Variants in EIF4E1B observed in about 807,000 individuals in gnomAD.
EIF4E1B encodes eukaryotic translation initiation factor 4E type 1B.
A neutral mutation model predicts 31.3 loss-of-function variants in EIF4E1B; 22 were observed. The observed-to-expected ratio is 0.70, with a 90% CI of 0.50 to 1.00. EIF4E1B has a LOEUF of 1.00. Among genes scored for constraint, EIF4E1B ranks in the 50% least tolerant of loss-of-function variants. The pLI is 0.00. For missense variants in EIF4E1B, 290 were observed against 311.6 expected (o/e 0.93, Z 0.52); for synonymous variants, 126 against 120.2 (o/e 1.05, Z -0.31).
intron 2 of EIF4E1B, 51 bp from the exon 3 acceptor site, chr5:176,642,659 A>C (rs1760598295): frequency 6.9e-7 from 1 of 1,439,582 alleles, no homozygotes; most frequent in East Asian, 2.5e-5. Flanking sequence ...CACGGGATGC[A>C]GACCTTGCTT....
Position 176,646,151 on chromosome 5 carries a change from A to G in EIF4E1B, c.*171A>G, listed in dbSNP as rs983711462. On this transcript the variant is annotated 3_prime_UTR_variant, in exon 9 of 9. Coordinates refer to ENST00000318682, the MANE Select transcript of EIF4E1B (RefSeq NM_001099408.2). ...TTGGGGCCTGAGCCTTAGGGGCTAGATGGGGGTAGTGGTGGCAGTCTGAGG... is the reference window on the plus strand; with the variant it reads ...TTGGGGCCTGAGCCTTAGGGGCTAGGTGGGGGTAGTGGTGGCAGTCTGAGG... The G allele has an allele frequency of 2.8e-5, 15 of 541,214 alleles. No individual in the cohort carries two copies. The highest frequency in any genetic ancestry group is 4.7e-5 in the Non-Finnish European group (14 of 299,470). 33.5% of individuals were successfully genotyped at this position (541,214 alleles called of 1,614,324 possible). A position where few individuals can be genotyped will look rare whatever the true frequency, so the allele number is the denominator to read the frequency against.
At chr5:176,637,189 A>G (rs959526925) in intron 1 of EIF4E1B, among the ~76,000 whole-genome samples, 1 of 152,234 alleles carries the variant, frequency 6.6e-6, no homozygotes, top group Non-Finnish European at 1.5e-5. Context: ...CTGTAAGCCC[A>G]GCACTTTGGG....
chr5:176,643,133 G>C lies in EIF4E1B; in HGVS notation c.67G>C (p.Glu23Gln). The C allele has an allele frequency of 6.2e-7, 1 of 1,613,934 alleles. No homozygotes were observed. Among genetic ancestry groups the C allele is most frequent in the Non-Finnish European group, 8.5e-7 (1 of 1,179,870 alleles). Reference protein sequence around the residue: ...IREWEEEEKEEEAAERTPTGE... With the variant: ...IREWEEEEKEQEAAERTPTGE... ...AGAGTGGGAGGAGGAGGAGAAGGAGGAGGAGGCAGCAGAGAGGACGCCCAC... is the reference window on the plus strand; with the variant it reads ...AGAGTGGGAGGAGGAGGAGAAGGAGCAGGAGGCAGCAGAGAGGACGCCCAC... The change falls in exon 4 of 9, where the codon GAG (glutamate) becomes CAG (glutamine). Residue 23 changes from glutamate to glutamine, a missense_variant. Physicochemically the swap from Glu to Gln is conservative, Grantham distance 29. Coordinates refer to ENST00000318682, the MANE Select transcript of EIF4E1B (RefSeq NM_001099408.2).
Position 176,642,862 on chromosome 5 carries a change from C to CGT in EIF4E1B, c.15+60_15+61insGT, listed in dbSNP as rs5873545. The CGT allele has an allele frequency of 1.5e-5, 19 of 1,287,072 alleles. 2 individuals are homozygous for CGT. Among genetic ancestry groups the CGT allele is most frequent in the Admixed American group, 2.7e-5 (1 of 37,362 alleles). 79.7% of individuals were successfully genotyped at this position (1,287,072 alleles called of 1,614,324 possible). On this transcript the variant is annotated intron_variant, in intron 3 of 8. Coordinates refer to ENST00000318682, the MANE Select transcript of EIF4E1B (RefSeq NM_001099408.2). ...ATGGCCCCGCCCTCTCCCCCCCCCC[C>CGT]CCCGCCCCAGGTGGGCGGGGCAGGT...
At position 176,630,691 on chromosome 5, in the gene EIF4E1B, T is replaced by C. The variant is rs1463142898; in HGVS notation, c.-575T>C. 6.6e-6 allele frequency: 1 copy of C among 151,980 alleles called. No individual in the cohort carries two copies. Among genetic ancestry groups the C allele is most frequent in the Non-Finnish European group, 1.5e-5 (1 of 67,984 alleles). 9.4% of individuals were successfully genotyped at this position (151,980 alleles called of 1,614,324 possible). A position where few individuals can be genotyped will look rare whatever the true frequency, so the allele number is the denominator to read the frequency against. ...AAGACTCGCGTAGTCTGTTGGGAGT[T>C]GAGGGAGGGGGACAACGCGGCGTGT... On this transcript the variant is annotated 5_prime_UTR_variant, in exon 1 of 9. Coordinates refer to ENST00000318682, the MANE Select transcript of EIF4E1B (RefSeq NM_001099408.2).
Position 176,642,355 on chromosome 5 carries a change from G to A in EIF4E1B, c.-79+190G>A, listed in dbSNP as rs183026984. Among the ~76,000 whole-genome samples the A allele has an allele frequency of 2.3e-3, 352 of 152,360 alleles. 1 individual carries two copies. The highest frequency in any genetic ancestry group is 7.7e-3 in the South Asian group (37 of 4,826). ...GATTAAACTTTTAAAAAACTCAGAT[G>A]CCACTGGGTATGGTGGCTCATGCCA... On this transcript the variant is annotated intron_variant, in intron 2 of 8. Coordinates refer to ENST00000318682, the MANE Select transcript of EIF4E1B (RefSeq NM_001099408.2).
At chr5:176,634,390 C>T (rs569297104) in intron 1 of EIF4E1B, among the ~76,000 whole-genome samples, 25 of 152,178 alleles carry the variant, frequency 1.6e-4, no homozygotes, top group Admixed American at 7.9e-4. Context: ...TTGCCAATGT[C>T]CTTGGGGTAA....
intron 1 of EIF4E1B, among the ~76,000 whole-genome samples, chr5:176,637,790 G>C (rs891350266): frequency 9.2e-5 from 14 of 152,206 alleles, no homozygotes; most frequent in Admixed American, 7.2e-4. Flanking sequence ...GTGAGCAGAG[G>C]AGGGAGTGAT....
Position 176,643,229 on chromosome 5 carries a change from A to C in EIF4E1B, c.163A>C (p.Met55Leu), listed in dbSNP as rs772701144. 1 of 1,612,782 alleles carries C rather than the reference A, an allele frequency of 6.2e-7. No homozygotes were observed. Among genetic ancestry groups the C allele is most frequent in the Non-Finnish European group, 8.5e-7 (1 of 1,179,830 alleles). Residue 55 changes from methionine to leucine, a missense_variant, in exon 4 of 9, where the codon ATG (methionine) becomes CTG (leucine). Coordinates refer to ENST00000318682, the MANE Select transcript of EIF4E1B (RefSeq NM_001099408.2). ...AGGGAAGGCCCGGACGGGGGGCCCC[A>C]TGGAAGTCAAGCTGGAGCTGCACCC... ...LRGKARTGGP[M>L]EVKLELHPLQ...
intron 1 of EIF4E1B, among the ~76,000 whole-genome samples, chr5:176,640,575 C>T (rs569719725): frequency 2.6e-4 from 39 of 152,150 alleles, no homozygotes; most frequent in Admixed American, 1.1e-3. Flanking sequence ...TCTGCCGCCC[C>T]CTCTGTCACC....
Position 176,645,998 on chromosome 5 carries a change from C to T in EIF4E1B, c.*18C>T. ...TGGTGTGAGGGGGGCCTTGGCACCCCTCCTATGTAATGGGACAGCCGCCAC... is the reference window on the plus strand; with the variant it reads ...TGGTGTGAGGGGGGCCTTGGCACCCTTCCTATGTAATGGGACAGCCGCCAC... On this transcript the variant is annotated 3_prime_UTR_variant, in exon 9 of 9. Coordinates refer to ENST00000318682, the MANE Select transcript of EIF4E1B (RefSeq NM_001099408.2). The surrounding 1 kb of genome is among the most constrained non-coding windows in gnomAD (Gnocchi z 5.4). 6.3e-7 allele frequency: 1 copy of T among 1,576,656 alleles called. No individual in the cohort carries two copies.
intron 1 of EIF4E1B, among the ~76,000 whole-genome samples, chr5:176,639,672 T>C (rs1203852253): frequency 1.3e-5 from 2 of 152,064 alleles, no homozygotes; most frequent in East Asian, 1.9e-4. Context: ...ATCCCAACAC[T>C]TTGGGAAGCA....
At chr5:176,643,353 C>G in intron 4 of EIF4E1B, 87 bp downstream of exon 4, 4 of 1,464,156 alleles carry the variant, frequency 2.7e-6, no homozygotes, top group Non-Finnish European at 3.7e-6. Flanking sequence ...AACCCCGCCT[C>G]TCTTGGCCCT....
Position 176,645,487 on chromosome 5 carries a change from G to A in EIF4E1B, c.585G>A (p.Ala195=), listed in dbSNP as rs551855376. Reference sequence around the variant, plus strand: ...AGATCGCTGTGTGGACGAGGGAGGCGGAAAACCAGGCGGGCGTGCTGCACG... The same window carrying A: ...AGATCGCTGTGTGGACGAGGGAGGCAGAAAACCAGGCGGGCGTGCTGCACG... The part of the protein sequence containing the change: ...GDKIAVWTRE[A]ENQAGVLHVG... Residue 195 remains alanine, a synonymous_variant, in exon 8 of 9, where the codon GCG becomes GCA. Coordinates refer to ENST00000318682, the MANE Select transcript of EIF4E1B (RefSeq NM_001099408.2). This position sits in a 1 kb window ranked among gnomAD's most constrained non-coding sequence, Gnocchi z 5.4. 1.3e-5 allele frequency: 19 copies of A among 1,516,946 alleles called. No individual in the cohort carries two copies. Among genetic ancestry groups the A allele is most frequent in the East Asian group, 2.3e-5 (1 of 43,444 alleles). 94.0% of individuals were successfully genotyped at this position (1,516,946 alleles called of 1,614,324 possible).
chr5:176,643,579 G>A lies in EIF4E1B; in HGVS notation c.201-60G>A. On this transcript the variant is annotated intron_variant, in intron 4 of 8. Transcript: ENST00000318682. The stretch of plus-strand genomic sequence containing the variant: ...GAGGGTCCTCCCTGTCAGTCCAGGT[G>A]CCCCGGGGGTGGACTTGGCTCTCTG... 5 of 1,506,878 alleles carry A rather than the reference G, an allele frequency of 3.3e-6. No individual in the cohort carries two copies. The South Asian group carries it at 4.8e-5, about 15-fold the overall frequency. 93.3% of individuals were successfully genotyped at this position (1,506,878 alleles called of 1,614,324 possible).
chr5:176,645,107 T>C lies in EIF4E1B; in HGVS notation c.361-23T>C. 7.1e-6 allele frequency: 11 copies of C among 1,542,440 alleles called. No homozygotes were observed. The highest frequency in any genetic ancestry group is 9.7e-6 in the Non-Finnish European group (11 of 1,139,252). On this transcript the variant is annotated intron_variant, in intron 6 of 8. Transcript: ENST00000318682. This position sits in a 1 kb window ranked among gnomAD's most constrained non-coding sequence, Gnocchi z 5.4. ...TTTCCCTTTGAACACAGGGAGGCAG[T>C]TGACTTGCCATCTGCCTTGCAGGAT...
At chr5:176,644,814 AGCCTGGGATGTCCCCCTT>A (rs1375071358) in intron 6 of EIF4E1B, among the ~76,000 whole-genome samples, 1 of 152,238 alleles carries the variant, frequency 6.6e-6, no homozygotes, top group East Asian at 1.9e-4. Context: ...CATGCAGCCA[AGCCTGGGATGTCCCCCTT>A]GCCTGCATTG....
At chr5:176,643,403 T>G in intron 4 of EIF4E1B, 137 bp downstream of exon 4, 1 of 1,166,916 alleles carries the variant, frequency 8.6e-7, no homozygotes, top group Non-Finnish European at 1.2e-6. Flanking sequence ...ACCTAAGCCT[T>G]GGGCCCTGTT....
Position 176,645,407 on chromosome 5 carries a change from G to C in EIF4E1B, c.505G>C (p.Glu169Gln). The C allele has an allele frequency of 6.6e-7, 1 of 1,525,698 alleles. No homozygotes were observed. The highest frequency in any genetic ancestry group is 8.8e-7 in the Non-Finnish European group (1 of 1,134,710). The allele number at this position is 1,525,698 out of a possible 1,614,324, so 94.5% of individuals were successfully genotyped here. The change falls in exon 8 of 9, where the codon GAA becomes CAA. Residue 169 changes from glutamate (E) to glutamine (Q), a missense_variant. Transcript: ENST00000318682. This position sits in a 1 kb window ranked among gnomAD's most constrained non-coding sequence, Gnocchi z 5.4. ...LLCLIGESFE[E>Q]HSREVCGAVV... is the part of the protein sequence containing the mutation. ...GTGTCTGATCGGGGAGAGCTTTGAG[G>C]AACACAGCAGAGAGGTATGTGGGGC...
Sources: allele counts gnomAD v4.1 joint callset (sites outside exome capture counted in the v4.1 genomes callset), GRCh38; gene constraint gnomAD v4.1.1; non-coding constraint Gnocchi (gnomAD v3.1); transcripts MANE v1.5; gene names NCBI Gene and HGNC (gene_info 2026-07-23, HGNC 2026-07-21).